The following RTF1 variants were observed in gnomAD, a reference collection of about 807,000 sequenced individuals.
RTF1 encodes RNA polymerase-associated protein RTF1 homolog.
RTF1 carries 10 observed loss-of-function variants against 95.7 expected under a neutral mutation model. The observed-to-expected ratio is 0.10, with a 90% CI of 0.06 to 0.18. The LOEUF (loss-of-function observed/expected upper bound fraction) is 0.18, where lower values mean the gene tolerates loss of function less well. Among genes scored for constraint, RTF1 ranks in the 10% least tolerant of loss-of-function variants. The probability of loss-of-function intolerance (pLI) is 1.00; values close to 1 mark genes in which losing one functional copy is unlikely to be tolerated. For missense variants in RTF1, 458 were observed against 875.6 expected (o/e 0.52, Z 6.02); for synonymous variants, 305 against 311.8 (o/e 0.98, Z 0.23).
chr15:41,460,024 TG>T (rs1443908533), intron 4 of RTF1, among the ~76,000 whole-genome samples: 5 of 152,160 alleles, frequency 3.3e-5, no homozygotes, highest in Admixed American at 6.6e-5. Flanking sequence ...TTGTCCCTTC[TG>T]GAGACCATAT....
intron 6 of RTF1, among the ~76,000 whole-genome samples, chr15:41,468,653 C>T (rs2050894363): frequency 6.6e-6 from 1 of 152,092 alleles, no homozygotes; most frequent in African/African-American, 2.4e-5. Flanking sequence ...TAGTTACCCC[C>T]CAGGCACATT....
chr15:41,481,935 C>G lies in RTF1; in HGVS notation c.*1248C>G, dbSNP rs2050977830. On this transcript the variant is annotated 3_prime_UTR_variant, in exon 18 of 18. Transcript: ENST00000389629. The stretch of plus-strand genomic sequence containing the variant: ...TCTCTACTAAAACTACAAAACTTAG[C>G]CGGGCATGGTGGTGCGTGCCTGTAA... The G allele has an allele frequency of 6.6e-6, 1 of 152,158 alleles. No individual in the cohort carries two copies. The highest frequency in any genetic ancestry group is 1.5e-5 in the Non-Finnish European group (1 of 68,052). 9.4% of individuals were successfully genotyped at this position (152,158 alleles called of 1,614,324 possible). A position where few individuals can be genotyped will look rare whatever the true frequency, so the allele number is the denominator to read the frequency against.
intron 4 of RTF1, among the ~76,000 whole-genome samples, chr15:41,459,266 G>A (rs975845451): frequency 6.6e-6 from 1 of 151,816 alleles, no homozygotes; most frequent in African/African-American, 2.4e-5. Context: ...CCAGGTACTT[G>A]GGAGGCTGAG....
intron 6 of RTF1, 136 bp from the exon 7 acceptor site, chr15:41,470,121 C>A: frequency 3.4e-6 from 3 of 876,862 alleles, no homozygotes; most frequent in Non-Finnish European, 5.3e-6. Context: ...TCTGTATATA[C>A]CCCAAGTTAG....
chr15:41,422,990 T>C (rs1445954594), intron 1 of RTF1, among the ~76,000 whole-genome samples: 1 of 152,124 alleles, frequency 6.6e-6, no homozygotes, highest in African/African-American at 2.4e-5. Context: ...GCCAGGCTGG[T>C]CTTGAACTCC....
chr15:41,435,340 A>G (rs866994053), intron 1 of RTF1, among the ~76,000 whole-genome samples: 1 of 151,414 alleles, frequency 6.6e-6, no homozygotes, highest in African/African-American at 2.4e-5. Context: ...AGGATAAAAT[A>G]TATATAAATT....
chr15:41,431,231 TG>T (rs1324509065), intron 1 of RTF1, among the ~76,000 whole-genome samples: 1 of 149,430 alleles, frequency 6.7e-6, no homozygotes, highest in Non-Finnish European at 1.5e-5. Flanking sequence ...TTTTTTTTTT[TG>T]AGAAGGAGTT....
At chr15:41,461,746 C>G (rs2050849940) in intron 4 of RTF1, among the ~76,000 whole-genome samples, 1 of 151,846 alleles carries the variant, frequency 6.6e-6, no homozygotes, top group South Asian at 2.1e-4. Context: ...GCCTTGGCCT[C>G]CCAAAGTGCT....
Position 41,483,318 on chromosome 15 carries a change from G to A in RTF1, c.*2631G>A, listed in dbSNP as rs1163395306. On this transcript the variant is annotated 3_prime_UTR_variant, in exon 18 of 18. Coordinates refer to ENST00000389629, the MANE Select transcript of RTF1 (RefSeq NM_015138.5). ...CAGTGTGGTTTCAGTGTTGAAGGGT[G>A]CAGCACCCAAGGTTGTTTTTATGCA... is the stretch of plus-strand genomic sequence containing the variant. The A allele has an allele frequency of 6.6e-6, 1 of 152,596 alleles. No homozygotes were observed. Among genetic ancestry groups the A allele is most frequent in the African/African-American group, 2.4e-5 (1 of 41,414 alleles). 9.5% of individuals were successfully genotyped at this position (152,596 alleles called of 1,614,324 possible). A position where few individuals can be genotyped will look rare whatever the true frequency, so the allele number is the denominator to read the frequency against.
chr15:41,433,324 T>A (rs1005238065), intron 1 of RTF1, among the ~76,000 whole-genome samples: 1 of 152,124 alleles, frequency 6.6e-6, no homozygotes, highest in Non-Finnish European at 1.5e-5. Flanking sequence ...GAGAAGAGAT[T>A]ACTTACCAGA....
intron 3 of RTF1, among the ~76,000 whole-genome samples, chr15:41,455,851 T>C (rs1238783003): frequency 6.6e-6 from 1 of 151,284 alleles, no homozygotes; most frequent in Non-Finnish European, 1.5e-5. Context: ...GAGTACATAT[T>C]GGGTACAGTG....
intron 6 of RTF1, among the ~76,000 whole-genome samples, chr15:41,469,628 C>T (rs1040383449): frequency 4.0e-5 from 6 of 151,698 alleles, no homozygotes; most frequent in African/African-American, 1.2e-4. Context: ...CGGGTTCAAG[C>T]GATTCTCCTG....
At position 41,443,284 on chromosome 15, in the gene RTF1, A is replaced by G. The variant is rs997992268; in HGVS notation, c.309+4853A>G. ...GTGAGGAAATAAGTAGATGTTTCAC[A>G]TATAATGTAGCTTGGTGGGGGGAAA... On this transcript the variant is annotated intron_variant, in intron 2 of 17. Transcript: ENST00000389629. 2.0e-5 allele frequency among the ~76,000 whole-genome samples: 3 copies of G among 152,356 alleles called. No homozygotes were observed. The South Asian group carries it at 6.2e-4, about 32-fold the overall frequency.
At chr15:41,459,472 T>G (rs1275596405) in intron 4 of RTF1, among the ~76,000 whole-genome samples, 2 of 152,222 alleles carry the variant, frequency 1.3e-5, no homozygotes, top group African/African-American at 4.8e-5. Context: ...GAAGTAATCA[T>G]AAGATTGCGT....
chr15:41,481,076 C>A lies in RTF1; in HGVS notation c.*389C>A, dbSNP rs554666087. 1.2e-4 allele frequency: 23 copies of A among 185,350 alleles called. No homozygotes were observed. Among genetic ancestry groups the A allele is most frequent in the African/African-American group, 5.3e-4 (23 of 43,090 alleles). 11.5% of individuals were successfully genotyped at this position (185,350 alleles called of 1,614,324 possible). On this transcript the variant is annotated 3_prime_UTR_variant, in exon 18 of 18. Transcript: ENST00000389629. Reference sequence around the variant, plus strand: ...TAGCAGCAGCACCAGGCGGTCTCCTCTACAGACTGCCTTGGCCCACCCATT... The same window carrying A: ...TAGCAGCAGCACCAGGCGGTCTCCTATACAGACTGCCTTGGCCCACCCATT...
Position 41,482,542 on chromosome 15 carries a change from T to A in RTF1, c.*1855T>A, listed in dbSNP as rs75827722. 6.6e-6 allele frequency: 1 copy of A among 152,550 alleles called. No homozygotes were observed. The highest frequency in any genetic ancestry group is 1.5e-5 in the Non-Finnish European group (1 of 68,050). The allele number at this position is 152,550 out of a possible 1,614,324, so 9.4% of individuals were successfully genotyped here. A position where few individuals can be genotyped will look rare whatever the true frequency, so the allele number is the denominator to read the frequency against. Reference sequence around the variant, plus strand: ...GCTTTAACTTAGTTTACTTTTTTTTTATTTTTAAAGCAGCAATGGATGGTT... The same window carrying A: ...GCTTTAACTTAGTTTACTTTTTTTTAATTTTTAAAGCAGCAATGGATGGTT... On this transcript the variant is annotated 3_prime_UTR_variant, in exon 18 of 18. Coordinates refer to ENST00000389629, the MANE Select transcript of RTF1 (RefSeq NM_015138.5).
chr15:41,428,345 G>T (rs79349507), intron 1 of RTF1, among the ~76,000 whole-genome samples: 7,319 of 132,128 alleles, frequency 0.055, 221 homozygotes, highest in East Asian at 0.17. Flanking sequence ...TCAGCTCACT[G>T]CAAGCTCTGC....
Position 41,443,277 on chromosome 15 carries a change from G to A in RTF1, c.309+4846G>A, listed in dbSNP as rs142825489. Among the ~76,000 whole-genome samples the A allele has an allele frequency of 1.4e-4, 22 of 152,246 alleles. No individual in the cohort carries two copies. In the East Asian group the frequency reaches 4.1e-3, roughly 28 times the overall value. The stretch of plus-strand genomic sequence containing the variant: ...CATATTAGTGAGGAAATAAGTAGAT[G>A]TTTCACATATAATGTAGCTTGGTGG... On this transcript the variant is annotated intron_variant, in intron 2 of 17. Coordinates refer to ENST00000389629, the MANE Select transcript of RTF1 (RefSeq NM_015138.5).
intron 7 of RTF1, 92 bp downstream of exon 7, chr15:41,470,484 CACTA>C: frequency 7.4e-7 from 1 of 1,346,318 alleles, no homozygotes. Flanking sequence ...CTGGTTGGGC[CACTA>C]ACTCTGACAT....
Sources: gnomAD v4.1 joint callset for allele counts (sites outside exome capture counted in the v4.1 genomes callset) on GRCh38, gnomAD v4.1.1 for gene constraint, MANE v1.5 for transcripts, NCBI Gene and HGNC (gene_info 2026-07-23, HGNC 2026-07-21) for gene names.